SEC24A: variants seen among roughly 807,000 people sequenced by gnomAD.
SEC24A encodes protein transport protein Sec24A.
SEC24A carries 93 observed loss-of-function variants against 129.4 expected under a neutral mutation model. That is an observed-to-expected ratio of 0.72 (90% confidence interval 0.61 to 0.85). The LOEUF (loss-of-function observed/expected upper bound fraction) is 0.85. SEC24A is among the 40% of genes least tolerant of loss of function. SEC24A has a pLI of 0.00. For synonymous variants in SEC24A, 460 were observed against 467.3 expected, an observed-to-expected ratio of 0.98 and a Z score of 0.20; for missense variants, 1,264 against 1,307.4, an observed-to-expected ratio of 0.97 and a Z score of 0.51.
Position 134,676,030 on chromosome 5 carries a change from C to T in SEC24A, c.1159C>T (p.Arg387Ter), listed in dbSNP as rs1751046250. 8 of 1,599,326 alleles carry T rather than the reference C, an allele frequency of 5.0e-6. No homozygotes were observed. The highest frequency in any genetic ancestry group is 6.0e-6 in the Non-Finnish European group (7 of 1,175,096). ...CTTTTTACTTTGATATAGGTTATTT[C>T]GATGCACGCTGACTAGCATTCCTCA... The part of the protein sequence containing the change: ...QKLNCNPELF[R>*]CTLTSIPQTQ... The change falls in exon 7 of 23, where the codon CGA (arginine) becomes TGA (stop). Residue 387 changes from arginine to a stop codon, truncating the protein, a stop_gained. Transcript: ENST00000398844. LOFTEE classifies it high-confidence loss of function.
At chr5:134,660,744 A>G (rs970759185) in intron 1 of SEC24A, among the ~76,000 whole-genome samples, 1 of 151,916 alleles carries the variant, frequency 6.6e-6, no homozygotes, top group Non-Finnish European at 1.5e-5. Context: ...TTTTATAGGC[A>G]TGGGGTTTCA....
intron 1 of SEC24A, among the ~76,000 whole-genome samples, chr5:134,657,998 G>T (rs968775543): frequency 2.0e-5 from 3 of 152,190 alleles, no homozygotes; most frequent in Non-Finnish European, 2.9e-5. Context: ...GCTGGGCATG[G>T]TGGCTCACGC....
intron 12 of SEC24A, chr5:134,693,032 G>A (rs1343078169): frequency 6.5e-7 from 1 of 1,535,880 alleles, no homozygotes; most frequent in Non-Finnish European, 8.7e-7. Context: ...GATTCACAGA[G>A]TGTCATTGGG....
intron 18 of SEC24A, among the ~76,000 whole-genome samples, chr5:134,710,344 G>A (rs965808153): frequency 6.6e-6 from 1 of 151,468 alleles, no homozygotes; most frequent in Non-Finnish European, 1.5e-5. Flanking sequence ...CAATTCTCTC[G>A]CCTCAGCCTC....
chr5:134,685,399 A>G (rs1751418055), intron 9 of SEC24A, among the ~76,000 whole-genome samples: 1 of 152,092 alleles, frequency 6.6e-6, no homozygotes, highest in African/African-American at 2.4e-5. Context: ...AAATTTTAAT[A>G]TACAGTATAG....
At chr5:134,706,369 G>T (rs188626943) in intron 17 of SEC24A, among the ~76,000 whole-genome samples, 2 of 152,192 alleles carry the variant, frequency 1.3e-5, no homozygotes, top group East Asian at 1.9e-4. Context: ...ATATCTTCAC[G>T]TATTTATTTC....
At chr5:134,680,709 C>T (rs1751236568) in intron 8 of SEC24A, among the ~76,000 whole-genome samples, 1 of 151,218 alleles carries the variant, frequency 6.6e-6, no homozygotes, top group Admixed American at 6.6e-5. Context: ...GTGGCATGAT[C>T]TCAGCTCACT....
chr5:134,690,320 A>T (rs1751597985), intron 11 of SEC24A, among the ~76,000 whole-genome samples: 1 of 152,004 alleles, frequency 6.6e-6, no homozygotes. Context: ...GTGCCTGGCT[A>T]TTACTATTTT....
chr5:134,720,728 C>T (rs1178904768), intron 20 of SEC24A, among the ~76,000 whole-genome samples: 2 of 151,986 alleles, frequency 1.3e-5, no homozygotes, highest in Non-Finnish European at 2.9e-5. Context: ...TATGGTGAAA[C>T]CCCATCTCTA....
intron 1 of SEC24A, among the ~76,000 whole-genome samples, chr5:134,659,703 G>A (rs1409880656): frequency 6.8e-6 from 1 of 146,808 alleles, no homozygotes; most frequent in Admixed American, 6.9e-5. Context: ...CACAGAGGCT[G>A]GAGTGCAGTG....
intron 12 of SEC24A, 99 bp from the exon 13 acceptor site, chr5:134,693,628 C>G: frequency 6.7e-7 from 1 of 1,481,952 alleles, no homozygotes; most frequent in South Asian, 1.4e-5. Flanking sequence ...CTCTGACCAT[C>G]ATCATGACTC....
chr5:134,661,854 C>T (rs1750476621), intron 2 of SEC24A, among the ~76,000 whole-genome samples: 1 of 117,802 alleles, frequency 8.5e-6, no homozygotes, highest in Admixed American at 1.2e-4. Context: ...TGGGGTCTTG[C>T]TCTGTCACCC....
At chr5:134,665,107 A>G (rs1028131275) in intron 2 of SEC24A, among the ~76,000 whole-genome samples, 4 of 151,744 alleles carry the variant, frequency 2.6e-5, no homozygotes, top group African/African-American at 7.3e-5. Context: ...CTAATAGGCA[A>G]TTTTTCAACT....
intron 4 of SEC24A, 121 bp from the exon 5 acceptor site, chr5:134,674,493 CA>C: frequency 2.6e-6 from 2 of 775,480 alleles, no homozygotes; most frequent in South Asian, 2.3e-5. Context: ...GGTGTGATTG[CA>C]CCACTGCACT....
rs749709830 is a variant in SEC24A, at chr5:134,698,066, A to AT, written c.2266+19dup. The AT allele has an allele frequency of 5.9e-3, 7,132 of 1,199,150 alleles. No homozygotes were observed. Among genetic ancestry groups the AT allele is most frequent in the South Asian group, 7.4e-3 (474 of 63,980 alleles). The allele number at this position is 1,199,150 out of a possible 1,614,324, so 74.3% of individuals were successfully genotyped here. On this transcript the variant is annotated intron_variant, in intron 15 of 22. Coordinates refer to ENST00000398844, the MANE Select transcript of SEC24A (RefSeq NM_021982.3). ...GATTCGGTGCACCAAAGGTAGGAAT[A>AT]TTTTTTTTTTGCGTAGGACTGAATA...
intron 3 of SEC24A, among the ~76,000 whole-genome samples, chr5:134,667,204 C>A (rs1326962107): frequency 6.6e-6 from 1 of 152,110 alleles, no homozygotes; most frequent in East Asian, 1.9e-4. Context: ...GAAAAAAGCT[C>A]TTAGTGTTTT....
chr5:134,649,609 A>G (rs1329228531), intron 1 of SEC24A, among the ~76,000 whole-genome samples: 1 of 152,076 alleles, frequency 6.6e-6, no homozygotes, highest in Non-Finnish European at 1.5e-5. Context: ...TCTGGAGATG[A>G]ATGCATGCTT....
rs2150116932 is a variant in SEC24A at position 134,725,850 on chromosome 5, G to A, written c.*756G>A. ...ATTTGAGCTGTCTTCATAAACACTG[G>A]GACTAGCAATGATAATAGGGAGATA... On this transcript the variant is annotated 3_prime_UTR_variant, in exon 23 of 23. Transcript: ENST00000398844. 6.6e-6 allele frequency: 1 copy of A among 152,380 alleles called. No individual in the cohort carries two copies. The highest frequency in any genetic ancestry group is 1.9e-4 in the East Asian group (1 of 5,186). The allele number at this position is 152,380 out of a possible 1,614,324, so 9.4% of individuals were successfully genotyped here.
Position 134,708,833 on chromosome 5 carries a change from T to G in SEC24A, c.2672T>G (p.Met891Arg). Residue 891 changes from methionine to arginine, a missense_variant, in exon 18 of 23, where the codon ATG (methionine) becomes AGG (arginine). Physicochemically the swap from Met to Arg is moderately conservative, Grantham distance 91 (BLOSUM62 -1). Coordinates refer to ENST00000398844, the MANE Select transcript of SEC24A (RefSeq NM_021982.3). ...SVLSNQQPGL[M>R]VPFSLRLFPL... ...TTAAGTAACCAGCAGCCTGGACTCA[T>G]GGTTCCTTTTTCTTTGCGGCTTTTC... The G allele has an allele frequency of 6.2e-7, 1 of 1,614,158 alleles. No individual in the cohort carries two copies. The highest frequency in any genetic ancestry group is 8.5e-7 in the Non-Finnish European group (1 of 1,180,038).
Sources: gnomAD v4.1 joint callset for allele counts (sites outside exome capture counted in the v4.1 genomes callset) on GRCh38, gnomAD v4.1.1 for gene constraint, MANE v1.5 for transcripts, NCBI Gene and HGNC (gene_info 2026-07-23, HGNC 2026-07-21) for gene names.